LATS2: variants seen among roughly 807,000 people sequenced by gnomAD.
LATS2 encodes serine/threonine-protein kinase LATS2.
Under a neutral mutation model 76.0 loss-of-function variants are expected in LATS2, and 24 were observed. The ratio of observed to expected loss-of-function variants is 0.32; its 90% CI spans 0.23 to 0.44. The LOEUF is 0.44. LATS2 is among the 20% of genes least tolerant of loss of function. The pLI is 1.00. For missense variants in LATS2, 1,286 were observed against 1,481.2 expected, an observed-to-expected ratio of 0.87 and a Z score of 2.16; for synonymous variants, 692 against 635.4, an observed-to-expected ratio of 1.09 and a Z score of -1.34.
intron 3 of LATS2, among the ~76,000 whole-genome samples, chr13:20,990,003 A>C (rs552501186): frequency 2.6e-5 from 4 of 152,198 alleles, no homozygotes; most frequent in Admixed American, 2.6e-4. Context: ...CTTCAGGCCA[A>C]CTGCTCCACT....
At chr13:21,012,793 C>G (rs898066729) in intron 2 of LATS2, among the ~76,000 whole-genome samples, 3 of 151,920 alleles carry the variant, frequency 2.0e-5, no homozygotes, top group Admixed American at 6.6e-5. Context: ...ACACCCCCCC[C>G]CCACCTCCTA....
intron 2 of LATS2, among the ~76,000 whole-genome samples, chr13:21,037,816 G>A (rs1270586990): frequency 6.9e-6 from 1 of 145,552 alleles, no homozygotes; most frequent in Non-Finnish European, 1.5e-5. Context: ...AGGGTGGTCA[G>A]GACCAGGGCG....
chr13:20,998,278 GGGAGGT>G (rs1870849713), intron 2 of LATS2, among the ~76,000 whole-genome samples: 1 of 152,086 alleles, frequency 6.6e-6, no homozygotes, highest in African/African-American at 2.4e-5. Context: ...CTTTGAACCT[GGGAGGT>G]GGAGGCTGCA....
At chr13:20,997,815 C>T (rs889549177) in intron 2 of LATS2, among the ~76,000 whole-genome samples, 11 of 152,200 alleles carry the variant, frequency 7.2e-5, no homozygotes, top group Non-Finnish European at 1.0e-4. Context: ...AAGTATTTCA[C>T]GTGCATTGCC....
At chr13:20,976,632 G>A (rs1287120350) in intron 7 of LATS2, among the ~76,000 whole-genome samples, 1 of 152,014 alleles carries the variant, frequency 6.6e-6, no homozygotes. Context: ...AAAGGGTAAT[G>A]GACTTGAGGA....
chr13:21,055,975 G>A (rs370337187), intron 1 of LATS2, among the ~76,000 whole-genome samples: 1 of 152,204 alleles, frequency 6.6e-6, no homozygotes. Context: ...TTTGAGGAAG[G>A]CAGTGATTGC....
At chr13:21,000,378 CATAATAATA>C (rs746861687) in intron 2 of LATS2, among the ~76,000 whole-genome samples, 3 of 150,656 alleles carry the variant, frequency 2.0e-5, no homozygotes, top group Admixed American at 1.3e-4. Flanking sequence ...AAGACTCTGT[CATAATAATA>C]ATAATAATAA....
chr13:21,002,592 G>A (rs937917779), intron 2 of LATS2, among the ~76,000 whole-genome samples: 2 of 151,892 alleles, frequency 1.3e-5, no homozygotes, highest in African/African-American at 2.4e-5. Context: ...TGCCCAGGAT[G>A]GTCTGGAACT....
chr13:21,053,762 T>C (rs1026381436), intron 1 of LATS2, among the ~76,000 whole-genome samples: 2 of 152,142 alleles, frequency 1.3e-5, no homozygotes, highest in African/African-American at 4.8e-5. Flanking sequence ...AATCCTGTCA[T>C]ATGCAACAAT....
Position 20,975,149 on chromosome 13 carries a change from G to A in LATS2, c.2988C>T (p.Pro996=). The A allele has an allele frequency of 1.2e-6, 2 of 1,614,216 alleles. No homozygotes were observed. The highest frequency in any genetic ancestry group is 1.7e-6 in the Non-Finnish European group (2 of 1,180,030). The change falls in exon 8 of 8, where the codon CCC becomes CCT. Residue 996 remains proline, a synonymous_variant. Coordinates refer to ENST00000382592, the MANE Select transcript of LATS2 (RefSeq NM_014572.3). ...CGGGGTCGAAATTCGAGGTGTCCAT[G>A]GGGTGGCTGATGGTGGGAACGTAGG... ...PAPYVPTISH[P]MDTSNFDPVD...
At chr13:21,030,444 C>A (rs1292476076) in intron 2 of LATS2, among the ~76,000 whole-genome samples, 1 of 151,802 alleles carries the variant, frequency 6.6e-6, no homozygotes, top group Admixed American at 6.6e-5. Flanking sequence ...ACAAAATTAG[C>A]CAGCCGTGGT....
intron 2 of LATS2, among the ~76,000 whole-genome samples, chr13:21,041,320 G>T (rs1223762287): frequency 6.6e-6 from 1 of 152,084 alleles, no homozygotes; most frequent in South Asian, 2.1e-4. Context: ...CTGAGCAGCT[G>T]GTGTGGACAC....
At chr13:20,980,455 ATCC>A (rs1869820641) in intron 6 of LATS2, among the ~76,000 whole-genome samples, 3 of 152,072 alleles carry the variant, frequency 2.0e-5, no homozygotes, top group Non-Finnish European at 4.4e-5. Context: ...ATGTCACCTA[ATCC>A]TTGCTAAGTA....
intron 6 of LATS2, among the ~76,000 whole-genome samples, chr13:20,980,138 G>A (rs2138268116): frequency 6.6e-6 from 1 of 152,278 alleles, no homozygotes; most frequent in East Asian, 1.9e-4. Context: ...TAACAGAACT[G>A]AAAAACATAA....
At chr13:21,017,924 C>A (rs1300276433) in intron 2 of LATS2, 1 of 152,188 alleles carries the variant, frequency 6.6e-6, no homozygotes, top group African/African-American at 2.4e-5. Context: ...GCATGTCCAG[C>A]CTGATTCATT....
chr13:21,006,746 C>T (rs1037635012), intron 2 of LATS2, among the ~76,000 whole-genome samples: 1 of 152,246 alleles, frequency 6.6e-6, no homozygotes, highest in Non-Finnish European at 1.5e-5. Flanking sequence ...ACACACCTGT[C>T]TCCGACTGTG....
At chr13:21,001,937 G>A (rs530335085) in intron 2 of LATS2, among the ~76,000 whole-genome samples, 9 of 150,098 alleles carry the variant, frequency 6.0e-5, no homozygotes, top group East Asian at 5.9e-4. Flanking sequence ...TTTTTGAGGC[G>A]GAGTCTCGCT....
chr13:21,006,278 AGT>A (rs1871266068), intron 2 of LATS2, among the ~76,000 whole-genome samples: 1 of 151,530 alleles, frequency 6.6e-6, no homozygotes, highest in Admixed American at 6.6e-5. Flanking sequence ...AGCTGTCATT[AGT>A]GAGCAGAGAA....
intron 1 of LATS2, among the ~76,000 whole-genome samples, chr13:21,056,415 A>G (rs1310361135): frequency 6.6e-6 from 1 of 152,198 alleles, no homozygotes; most frequent in Admixed American, 6.5e-5. Flanking sequence ...AGCTTTGTAC[A>G]TTATATTTTT....
Sources: allele counts gnomAD v4.1 joint callset (sites outside exome capture counted in the v4.1 genomes callset), GRCh38; gene constraint gnomAD v4.1.1; transcripts MANE v1.5; gene names NCBI Gene and HGNC (gene_info 2026-07-23, HGNC 2026-07-21).